The following SLC24A3 variants were observed in gnomAD, a reference collection of about 807,000 sequenced individuals.
The protein encoded by SLC24A3 is sodium/potassium/calcium exchanger 3.
A neutral mutation model predicts 75.8 loss-of-function variants in SLC24A3; 28 were observed. The ratio of observed to expected loss-of-function variants is 0.37; its 90% confidence interval spans 0.27 to 0.51. The LOEUF (loss-of-function observed/expected upper bound fraction) is 0.51. Ranked by LOEUF, SLC24A3 falls within the 20% of genes least tolerant of loss-of-function variation. The pLI is 0.94. For missense variants in SLC24A3, 663 were observed against 847.8 expected (o/e 0.78, Z 2.71); for synonymous variants, 372 against 334.1 (o/e 1.11, Z -1.24).
At chr20:19,314,374 C>T (rs952273244) in intron 2 of SLC24A3, among the ~76,000 whole-genome samples, 3 of 150,372 alleles carry the variant, frequency 2.0e-5, no homozygotes, top group African/African-American at 4.9e-5. Context: ...AGTGCAGTGG[C>T]GCAATCTCGG....
intron 2 of SLC24A3, among the ~76,000 whole-genome samples, chr20:19,311,217 A>G (rs1984448252): frequency 6.6e-6 from 1 of 152,018 alleles, no homozygotes; most frequent in Non-Finnish European, 1.5e-5. Flanking sequence ...TTGGGCATGA[A>G]CCTAAACCTC....
intron 2 of SLC24A3, among the ~76,000 whole-genome samples, chr20:19,311,944 T>G (rs536639552): frequency 6.6e-6 from 1 of 152,276 alleles, no homozygotes; most frequent in African/African-American, 2.4e-5. Context: ...CATGCGCCCT[T>G]CCTCTTTCCT....
chr20:19,565,586 C>T (rs2030944023), intron 3 of SLC24A3, among the ~76,000 whole-genome samples: 1 of 152,144 alleles, frequency 6.6e-6, no homozygotes, highest in South Asian at 2.1e-4. Flanking sequence ...TTGCCACTAC[C>T]TTATTGGTCC....
chr20:19,379,718 C>T (rs933168752), intron 2 of SLC24A3, among the ~76,000 whole-genome samples: 19 of 152,288 alleles, frequency 1.2e-4, no homozygotes, highest in African/African-American at 3.4e-4. Flanking sequence ...CTCCTCCCTC[C>T]AGGCCACTGT....
intron 11 of SLC24A3, among the ~76,000 whole-genome samples, chr20:19,684,843 G>T (rs1459872281): frequency 6.6e-6 from 1 of 152,184 alleles, no homozygotes; most frequent in African/African-American, 2.4e-5. Context: ...AGAGTGTCAA[G>T]GAACTGCACA....
At chr20:19,250,537 G>A (rs1982622679) in intron 1 of SLC24A3, among the ~76,000 whole-genome samples, 1 of 152,170 alleles carries the variant, frequency 6.6e-6, no homozygotes, top group Admixed American at 6.5e-5. Flanking sequence ...ACTCTGAAGG[G>A]TGTGCCAAAG....
At chr20:19,540,721 T>C (rs2030481493) in intron 3 of SLC24A3, among the ~76,000 whole-genome samples, 1 of 152,212 alleles carries the variant, frequency 6.6e-6, no homozygotes, top group Admixed American at 6.5e-5. Context: ...ATGGGTAAGT[T>C]TGCATTTGAT....
intron 2 of SLC24A3, among the ~76,000 whole-genome samples, chr20:19,351,593 G>A (rs770862552): frequency 6.6e-6 from 1 of 152,120 alleles, no homozygotes; most frequent in African/African-American, 2.4e-5. Context: ...GGTTAGTAAC[G>A]TTTTCCTCTC....
At chr20:19,285,705 A>ATTT (rs10712128) in intron 2 of SLC24A3, among the ~76,000 whole-genome samples, 2 of 147,032 alleles carry the variant, frequency 1.4e-5, no homozygotes, top group Non-Finnish European at 1.5e-5. Flanking sequence ...GCCTGGAAAC[A>ATTT]TTTTTTTTTT....
chr20:19,246,402 A>G (rs1315347549), intron 1 of SLC24A3, among the ~76,000 whole-genome samples: 2 of 152,178 alleles, frequency 1.3e-5, no homozygotes, highest in Non-Finnish European at 2.9e-5. Flanking sequence ...AGTAAAATAC[A>G]CAGATTCTTT....
chr20:19,624,068 C>T (rs894200149), intron 6 of SLC24A3, among the ~76,000 whole-genome samples: 2 of 152,216 alleles, frequency 1.3e-5, no homozygotes, highest in African/African-American at 4.8e-5. Flanking sequence ...GAAATCTTTT[C>T]AGATCTCACC....
At chr20:19,274,130 G>A (rs1983413190) in intron 1 of SLC24A3, among the ~76,000 whole-genome samples, 2 of 151,578 alleles carry the variant, frequency 1.3e-5, no homozygotes, top group Non-Finnish European at 2.9e-5. Flanking sequence ...TTGGAGTGGA[G>A]GTGTAGCGCC....
intron 2 of SLC24A3, among the ~76,000 whole-genome samples, chr20:19,336,044 T>A (rs959367410): frequency 1.3e-5 from 2 of 152,196 alleles, no homozygotes; most frequent in Admixed American, 6.5e-5. Context: ...AAATAATTAG[T>A]CATTTCTGTC....
At chr20:19,325,783 TATATATATATATAGAG>T (rs1363484149) in intron 2 of SLC24A3, among the ~76,000 whole-genome samples, 3 of 94,518 alleles carry the variant, frequency 3.2e-5, no homozygotes, top group East Asian at 7.1e-4. Flanking sequence ...TATACATATA[TATATATATATATAGAG>T]AGAGAGAGAG....
chr20:19,682,665 A>G (rs1006088984), intron 10 of SLC24A3, among the ~76,000 whole-genome samples: 1 of 152,232 alleles, frequency 6.6e-6, no homozygotes, highest in Non-Finnish European at 1.5e-5. Context: ...TCATTTTTGT[A>G]ATAAGCAAAG....
At chr20:19,572,890 T>C (rs541863670) in intron 3 of SLC24A3, among the ~76,000 whole-genome samples, 1 of 151,488 alleles carries the variant, frequency 6.6e-6, no homozygotes, top group African/African-American at 2.4e-5. Flanking sequence ...AAAATAAATT[T>C]AAAAAAAAAC....
chr20:19,569,715 C>T (rs1350415233), intron 3 of SLC24A3, among the ~76,000 whole-genome samples: 2 of 152,092 alleles, frequency 1.3e-5, no homozygotes, highest in East Asian at 3.9e-4. Flanking sequence ...GCAGCTGCTT[C>T]CCTCCACTCC....
At chr20:19,255,420 G>T (rs536049916) in intron 1 of SLC24A3, among the ~76,000 whole-genome samples, 1 of 152,378 alleles carries the variant, frequency 6.6e-6, no homozygotes, top group Admixed American at 6.5e-5. Flanking sequence ...AAGATTTGGA[G>T]TGTCGTTGAG....
intron 2 of SLC24A3, among the ~76,000 whole-genome samples, chr20:19,401,292 C>T (rs989497234): frequency 2.6e-5 from 4 of 152,180 alleles, no homozygotes; most frequent in African/African-American, 7.2e-5. Context: ...TCATCTCTCA[C>T]GGGTAGTCTT....
Sources: gnomAD v4.1 joint callset for allele counts (sites outside exome capture counted in the v4.1 genomes callset) on GRCh38, gnomAD v4.1.1 for gene constraint, MANE v1.5 for transcripts, NCBI Gene and HGNC (gene_info 2026-07-23, HGNC 2026-07-21) for gene names.